EDIL3: variants seen among roughly 807,000 people sequenced by gnomAD.
The protein encoded by EDIL3 is EGF like and discoidin domains 3, also known as EGF-like repeat and discoidin I-like domain-containing protein 3.
In EDIL3, 37 loss-of-function variants were observed where a neutral mutation model predicts 67.4. That is an observed-to-expected ratio of 0.55 (90% CI 0.42 to 0.72). The LOEUF is 0.72. Among genes scored for constraint, EDIL3 ranks in the 30% least tolerant of loss-of-function variants. The probability of loss-of-function intolerance (pLI) is 0.00; values close to 1 mark genes in which losing one functional copy is unlikely to be tolerated. For missense variants in EDIL3, 527 were observed against 586.3 expected (o/e 0.90, Z 1.04); for synonymous variants, 195 against 196.3 (o/e 0.99, Z 0.05).
intron 1 of EDIL3, among the ~76,000 whole-genome samples, chr5:84,342,081 A>G (rs759836532): frequency 1.3e-4 from 20 of 152,112 alleles, no homozygotes; most frequent in Admixed American, 6.6e-5. Flanking sequence ...CACGATTCAC[A>G]ACAACAAAGA....
chr5:84,104,383 T>C lies in EDIL3; in HGVS notation c.651+2266A>G, dbSNP rs559209931. The stretch of plus-strand genomic sequence containing the variant: ...TGCACATGTACCCCTGAACCTAAAA[T>C]AAAAGTTTCAAAAAAAAAAAGAAAA... On this transcript the variant is annotated intron_variant, in intron 6 of 10. Transcript: ENST00000296591. 3.8e-3 allele frequency among the ~76,000 whole-genome samples: 546 copies of C among 142,092 alleles called. 4 individuals carry two copies. The highest frequency in any genetic ancestry group is 0.014 in the African/African-American group (525 of 38,462). The allele number at this position is 142,092 out of a possible 152,430, so 93.2% of individuals were successfully genotyped here. A position where few individuals can be genotyped will look rare whatever the true frequency, so the allele number is the denominator to read the frequency against.
intron 5 of EDIL3, among the ~76,000 whole-genome samples, chr5:84,133,213 AT>A (rs1347056185): frequency 1.3e-5 from 2 of 152,134 alleles, no homozygotes; most frequent in African/African-American, 4.8e-5. Context: ...GTTCAGTTAA[AT>A]TTACATGACA....
chr5:84,155,925 T>C (rs538592319), intron 4 of EDIL3, among the ~76,000 whole-genome samples: 23 of 152,332 alleles, frequency 1.5e-4, no homozygotes, highest in South Asian at 1.5e-3. Flanking sequence ...CTTACACGAA[T>C]GAAAGACTAG....
intron 1 of EDIL3, among the ~76,000 whole-genome samples, chr5:84,292,865 T>A (rs1745950592): frequency 6.6e-6 from 1 of 152,122 alleles, no homozygotes; most frequent in Non-Finnish European, 1.5e-5. Context: ...GAGTGTCTGG[T>A]AGGCAGGCAC....
At chr5:84,374,909 A>G (rs537289414) in intron 1 of EDIL3, among the ~76,000 whole-genome samples, 1 of 151,856 alleles carries the variant, frequency 6.6e-6, no homozygotes, top group East Asian at 1.9e-4. Flanking sequence ...GCCATGTGGA[A>G]CTGTGAGTCA....
chr5:84,261,584 T>C (rs1375900752), intron 1 of EDIL3, among the ~76,000 whole-genome samples: 1 of 152,182 alleles, frequency 6.6e-6, no homozygotes, highest in East Asian at 1.9e-4. Flanking sequence ...AATTTGGAAG[T>C]ATACAGAAGG....
At chr5:84,061,285 A>G (rs1334839045) in intron 8 of EDIL3, among the ~76,000 whole-genome samples, 1 of 152,118 alleles carries the variant, frequency 6.6e-6, no homozygotes, top group Non-Finnish European at 1.5e-5. Flanking sequence ...AATACGGTAA[A>G]AATTTTGGCT....
intron 1 of EDIL3, among the ~76,000 whole-genome samples, chr5:84,280,631 C>A (rs1026832282): frequency 6.6e-6 from 1 of 152,008 alleles, no homozygotes; most frequent in Non-Finnish European, 1.5e-5. Context: ...CACTGAAGAT[C>A]TATAATTTGG....
At chr5:84,348,020 T>G (rs1484404812) in intron 1 of EDIL3, among the ~76,000 whole-genome samples, 1 of 151,972 alleles carries the variant, frequency 6.6e-6, no homozygotes, top group Admixed American at 6.6e-5. Flanking sequence ...CTGGAAGCAA[T>G]GGTGAAACAG....
At chr5:84,320,584 T>C (rs1042010753) in intron 1 of EDIL3, among the ~76,000 whole-genome samples, 4 of 152,116 alleles carry the variant, frequency 2.6e-5, no homozygotes, top group African/African-American at 4.8e-5. Context: ...ATCTCATAGC[T>C]GATCTGAGGC....
intron 10 of EDIL3, among the ~76,000 whole-genome samples, chr5:83,949,746 G>A (rs186692374): frequency 4.6e-4 from 70 of 151,876 alleles, no homozygotes; most frequent in Middle Eastern, 3.4e-3. Flanking sequence ...CTACAAAACC[G>A]TGTGTAATAC....
At chr5:83,958,716 C>G (rs576327470) in intron 10 of EDIL3, among the ~76,000 whole-genome samples, 116 of 151,404 alleles carry the variant, frequency 7.7e-4, no homozygotes, top group African/African-American at 2.8e-3. Flanking sequence ...TTTATTATTG[C>G]TTTACTTTGG....
intron 1 of EDIL3, among the ~76,000 whole-genome samples, chr5:84,349,486 T>G (rs543199273): frequency 6.6e-6 from 1 of 152,220 alleles, no homozygotes; most frequent in Non-Finnish European, 1.5e-5. Flanking sequence ...AAATAATGTT[T>G]TGTGAGTCAC....
At chr5:84,342,847 A>G (rs1747153197) in intron 1 of EDIL3, among the ~76,000 whole-genome samples, 1 of 152,116 alleles carries the variant, frequency 6.6e-6, no homozygotes, top group Non-Finnish European at 1.5e-5. Flanking sequence ...ATGATTGCTC[A>G]GTATTACATT....
At chr5:84,307,365 G>C (rs779265095) in intron 1 of EDIL3, among the ~76,000 whole-genome samples, 1 of 152,008 alleles carries the variant, frequency 6.6e-6, no homozygotes, top group African/African-American at 2.4e-5. Context: ...ATGTAAATAA[G>C]AGAAAATAAA....
At chr5:84,250,684 G>T (rs1019105862) in intron 2 of EDIL3, among the ~76,000 whole-genome samples, 1 of 152,142 alleles carries the variant, frequency 6.6e-6, no homozygotes, top group African/African-American at 2.4e-5. Flanking sequence ...CAGATGAACT[G>T]CAATGAAAAG....
At chr5:84,276,394 T>C (rs565491700) in intron 1 of EDIL3, among the ~76,000 whole-genome samples, 380 of 152,298 alleles carry the variant, frequency 2.5e-3, no homozygotes, top group African/African-American at 8.6e-3. Flanking sequence ...GCTTTCAGAA[T>C]TGTCAGCTCT....
chr5:84,258,102 A>T (rs1252649296), intron 1 of EDIL3, among the ~76,000 whole-genome samples: 1 of 152,184 alleles, frequency 6.6e-6, no homozygotes, highest in Non-Finnish European at 1.5e-5. Flanking sequence ...AACAACAAAC[A>T]TAATTAGGGT....
chr5:84,339,465 T>G (rs1413669842), intron 1 of EDIL3, among the ~76,000 whole-genome samples: 1 of 152,172 alleles, frequency 6.6e-6, no homozygotes, highest in Non-Finnish European at 1.5e-5. Flanking sequence ...TATATTTAGT[T>G]TCTCCCTCTT....
Sources: gnomAD v4.1 joint callset for allele counts (sites outside exome capture counted in the v4.1 genomes callset) on GRCh38, gnomAD v4.1.1 for gene constraint, MANE v1.5 for transcripts, NCBI Gene and HGNC (gene_info 2026-07-23, HGNC 2026-07-21) for gene names.